Variants in DRC8 observed in about 807,000 individuals in gnomAD.
The protein encoded by DRC8 is dynein regulatory complex subunit 8.
At chr1:245,059,495 CTGTGT>C in the DRC8 span, 2 of 1,552,070 alleles carry the variant, frequency 1.3e-6, no homozygotes, top group Non-Finnish European at 1.8e-6. Context: ...AGCCAGCTCT[CTGTGT>C]GAGAGCTACT....
chr1:245,083,243 C>T, the DRC8 span, among the ~76,000 whole-genome samples: 53,460 of 151,914 alleles, frequency 0.35, 9,712 homozygotes, highest in Middle Eastern at 0.43. Flanking sequence ...GTTGCATGCT[C>T]CTTATGAGAA....
At chr1:245,053,801 G>T in the DRC8 span, among the ~76,000 whole-genome samples, 12 of 152,326 alleles carry the variant, frequency 7.9e-5, no homozygotes, top group East Asian at 2.3e-3. Flanking sequence ...GAAGAGGATG[G>T]TGATGGGTTC....
the DRC8 span, among the ~76,000 whole-genome samples, chr1:245,108,216 TC>T: frequency 1.3e-5 from 2 of 151,994 alleles, no homozygotes. Flanking sequence ...TTGCTGCCCC[TC>T]CCTTCCATTT....
chr1:245,103,997 G>A, the DRC8 span, among the ~76,000 whole-genome samples: 2 of 152,138 alleles, frequency 1.3e-5, no homozygotes, highest in Non-Finnish European at 2.9e-5. Flanking sequence ...CCGAGCCAGC[G>A]ACAATGACTG....
chr1:245,073,953 C>G, the DRC8 span, among the ~76,000 whole-genome samples: 2 of 152,222 alleles, frequency 1.3e-5, no homozygotes, highest in Non-Finnish European at 2.9e-5. Context: ...AAAAAGTTGT[C>G]TAGTGGTCAC....
At chr1:244,987,972 G>A in the DRC8 span, among the ~76,000 whole-genome samples, 1 of 152,070 alleles carries the variant, frequency 6.6e-6, no homozygotes, top group African/African-American at 2.4e-5. Context: ...TGTTATGACT[G>A]CTCCTTTGTA....
chr1:245,013,348 T>C, the DRC8 span, among the ~76,000 whole-genome samples: 1 of 152,200 alleles, frequency 6.6e-6, no homozygotes, highest in Non-Finnish European at 1.5e-5. Context: ...TAATGTACTT[T>C]TAAAATGACC....
chr1:244,996,377 T>TTGTGAAAGGGGACTGCACGAATG, the DRC8 span, among the ~76,000 whole-genome samples: 2 of 152,016 alleles, frequency 1.3e-5, no homozygotes, highest in African/African-American at 4.8e-5. Context: ...CCCTGGTGTA[T>TTGTGAAAGGGGACTGCACGAATG]TGTGAAAGGG....
the DRC8 span, among the ~76,000 whole-genome samples, chr1:244,991,828 AT>A: frequency 6.6e-6 from 1 of 152,176 alleles, no homozygotes; most frequent in African/African-American, 2.4e-5. Flanking sequence ...GTTTTAAGTA[AT>A]TTTCATGTGG....
the DRC8 span, chr1:244,970,690 C>CCGCCCCGCCCCGCCTCTCTCCCG: frequency 2.6e-5 from 13 of 506,026 alleles, no homozygotes; most frequent in Admixed American, 4.6e-5. Context: ...CCTCTCTCCC[C>CCGCCCCGCCCCGCCTCTCTCCCG]TCTTCCCTCC....
the DRC8 span, among the ~76,000 whole-genome samples, chr1:245,002,837 A>G: frequency 6.6e-6 from 1 of 152,070 alleles, no homozygotes; most frequent in Non-Finnish European, 1.5e-5. Flanking sequence ...GTAATCACTT[A>G]AAAAGCACAC....
At chr1:245,066,619 C>T in the DRC8 span, among the ~76,000 whole-genome samples, 28 of 152,132 alleles carry the variant, frequency 1.8e-4, no homozygotes, top group African/African-American at 6.3e-4. Context: ...TACTTATAAT[C>T]ATAATAGGCC....
the DRC8 span, among the ~76,000 whole-genome samples, chr1:245,051,737 A>G: frequency 1.3e-5 from 2 of 152,236 alleles, no homozygotes; most frequent in African/African-American, 4.8e-5. Context: ...ATACCTGAAT[A>G]TTTTAAGGCA....
At chr1:244,985,097 T>TC in the DRC8 span, among the ~76,000 whole-genome samples, 54 of 146,366 alleles carry the variant, frequency 3.7e-4, no homozygotes, top group African/African-American at 1.4e-3. Context: ...TTTTTTTTTT[T>TC]TCTGATTACA....
At chr1:245,045,760 GA>G in the DRC8 span, among the ~76,000 whole-genome samples, 1 of 75,628 alleles carries the variant, frequency 1.3e-5, no homozygotes, top group East Asian at 2.5e-4. Flanking sequence ...ACTGGTTGTG[GA>G]CAGCAGCCAT....
At chr1:245,121,479 G>A in the DRC8 span, among the ~76,000 whole-genome samples, 1 of 152,166 alleles carries the variant, frequency 6.6e-6, no homozygotes, top group East Asian at 1.9e-4. Context: ...GGCAGAGACA[G>A]CCCATGGTCT....
chr1:245,115,914 TCTCA>T, the DRC8 span, among the ~76,000 whole-genome samples: 1 of 146,948 alleles, frequency 6.8e-6, no homozygotes, highest in Non-Finnish European at 1.5e-5. Context: ...TGAGACAGGG[TCTCA>T]CTCTGTCGCC....
At chr1:245,028,360 G>A in the DRC8 span, among the ~76,000 whole-genome samples, 1 of 152,222 alleles carries the variant, frequency 6.6e-6, no homozygotes, top group Non-Finnish European at 1.5e-5. Context: ...ATATGATGCT[G>A]CTGTAATTGT....
At chr1:245,063,159 G>T in the DRC8 span, among the ~76,000 whole-genome samples, 1 of 152,048 alleles carries the variant, frequency 6.6e-6, no homozygotes, top group African/African-American at 2.4e-5. Context: ...CCGTCAGCTT[G>T]GTTTGCCACT....
Sources: allele counts gnomAD v4.1 joint callset (sites outside exome capture counted in the v4.1 genomes callset), GRCh38; gene constraint gnomAD v4.1.1; transcripts MANE v1.5; gene names NCBI Gene and HGNC (gene_info 2026-07-23, HGNC 2026-07-21).